Variants in PTPRN2 observed in about 807,000 individuals in gnomAD.
PTPRN2 encodes receptor-type tyrosine-protein phosphatase N2.
Under a neutral mutation model 118.8 loss-of-function variants are expected in PTPRN2, and 74 were observed. That is an observed-to-expected ratio of 0.62 (90% CI 0.52 to 0.76). The LOEUF (loss-of-function observed/expected upper bound fraction) is 0.76. PTPRN2 is among the 30% of genes least tolerant of loss of function. The pLI is 0.00. For missense variants in PTPRN2, 1,481 were observed against 1,394.4 expected (o/e 1.06, Z -0.99); for synonymous variants, 641 against 608.0 (o/e 1.05, Z -0.80).
At chr7:158,581,696 T>C (rs1006198009) in intron 1 of PTPRN2, among the ~76,000 whole-genome samples, 2 of 152,144 alleles carry the variant, frequency 1.3e-5, no homozygotes, top group African/African-American at 4.8e-5. Flanking sequence ...GTTAGGACTA[T>C]TAGAGGGAAC....
chr7:158,456,088 C>T lies in PTPRN2; in HGVS notation c.163+33647G>A, dbSNP rs547590925. Reference sequence around the variant, plus strand: ...ACGACATGGACGCCATCGGCCACGGCCCCCCATCAATCTGCGGAGAAGACA... The same window carrying T: ...ACGACATGGACGCCATCGGCCACGGTCCCCCATCAATCTGCGGAGAAGACA... On this transcript the variant is annotated intron_variant, in intron 2 of 22. Transcript: ENST00000389418. Among the ~76,000 whole-genome samples the T allele has an allele frequency of 7.3e-5, 11 of 150,234 alleles. 1 individual carries two copies. The highest frequency in any genetic ancestry group is 2.7e-4 in the African/African-American group (11 of 40,698).
In PTPRN2 at chr7:157,690,346, C is replaced by T. The variant is rs151195532; in HGVS notation, c.1789-7409G>A. 2.8e-3 allele frequency among the ~76,000 whole-genome samples: 427 copies of T among 152,352 alleles called. 4 individuals are homozygous for T. Among genetic ancestry groups the T allele is most frequent in the African/African-American group, 9.8e-3 (406 of 41,596 alleles). Reference sequence around the variant, plus strand: ...GCAGAGACCCCCTGAACTGAGCTCTCCGACGCCCTAGTTGCCCGTTAGAGC... The same window carrying T: ...GCAGAGACCCCCTGAACTGAGCTCTTCGACGCCCTAGTTGCCCGTTAGAGC... On this transcript the variant is annotated intron_variant, in intron 12 of 22. Transcript: ENST00000389418. This position sits in a 1 kb window ranked among gnomAD's most constrained non-coding sequence, Gnocchi z 7.1.
At position 157,617,105 on chromosome 7, in the gene PTPRN2, TGTC is replaced by T. The variant is rs1446753160; in HGVS notation, c.2344+4254_2344+4256del. The T allele has an allele frequency of 6.6e-6, 1 of 152,276 alleles. No homozygotes were observed. Among genetic ancestry groups the T allele is most frequent in the Admixed American group, 6.5e-5 (1 of 15,290 alleles). The allele number at this position is 152,276 out of a possible 1,614,324, so 9.4% of individuals were successfully genotyped here. ...GGCGGGCTCTAAACCCCAAAGTTCT[TGTC>T]GGCCAAGTGGGGGGGTTTCTTGTGA... On this transcript the variant is annotated intron_variant, in intron 15 of 22. Transcript: ENST00000389418. This position sits in a 1 kb window ranked among gnomAD's most constrained non-coding sequence, Gnocchi z 7.5.
chr7:157,963,862 T>C (rs1490909694), intron 11 of PTPRN2, among the ~76,000 whole-genome samples: 1 of 152,182 alleles, frequency 6.6e-6, no homozygotes, highest in African/African-American at 2.4e-5. Flanking sequence ...TATCATTAAA[T>C]CCTTTTGTTT....
At chr7:157,631,349 G>A (rs550684979) in intron 14 of PTPRN2, among the ~76,000 whole-genome samples, 14 of 152,312 alleles carry the variant, frequency 9.2e-5, no homozygotes, top group East Asian at 7.7e-4. Context: ...CGTGTGGTGC[G>A]TGTTGGTTTT....
At chr7:158,263,138 C>A (rs1797639533) in intron 3 of PTPRN2, among the ~76,000 whole-genome samples, 1 of 148,646 alleles carries the variant, frequency 6.7e-6, no homozygotes, top group African/African-American at 2.5e-5. Context: ...CATATACACA[C>A]ATTCACACAC....
chr7:157,878,244 G>A (rs992344238), intron 12 of PTPRN2, among the ~76,000 whole-genome samples: 2 of 152,280 alleles, frequency 1.3e-5, no homozygotes, highest in African/African-American at 4.8e-5. Context: ...CAAGAGCACG[G>A]ACCCTGAGGC....
intron 2 of PTPRN2, among the ~76,000 whole-genome samples, chr7:158,445,099 C>T (rs1586693313): frequency 6.6e-6 from 1 of 152,182 alleles, no homozygotes; most frequent in Non-Finnish European, 1.5e-5. Context: ...CCTTCACCCT[C>T]GCTGGGCAAG....
At chr7:157,623,720 G>A (rs146321256) in intron 14 of PTPRN2, among the ~76,000 whole-genome samples, 194 of 152,274 alleles carry the variant, frequency 1.3e-3, no homozygotes, top group African/African-American at 4.5e-3. Flanking sequence ...AGATACTGAC[G>A]CGATGTTTTT....
chr7:158,327,531 G>A (rs117277461), intron 2 of PTPRN2, among the ~76,000 whole-genome samples: 3,164 of 151,594 alleles, frequency 0.021, 48 homozygotes, highest in Non-Finnish European at 0.035. Context: ...TCACACACAT[G>A]CACATGTACA....
chr7:158,363,534 C>A (rs1049032503), intron 2 of PTPRN2, among the ~76,000 whole-genome samples: 3 of 152,226 alleles, frequency 2.0e-5, no homozygotes, highest in East Asian at 1.9e-4. Flanking sequence ...GCTTTCCTGA[C>A]CACCTGACCT....
chr7:158,336,711 C>T (rs1477142621), intron 2 of PTPRN2, among the ~76,000 whole-genome samples: 6 of 126,522 alleles, frequency 4.7e-5, no homozygotes, highest in Admixed American at 8.0e-5. Context: ...CTCACACCCA[C>T]ACTCTCACCA....
At chr7:158,495,712 CT>C (rs1821791365) in intron 1 of PTPRN2, among the ~76,000 whole-genome samples, 1 of 152,190 alleles carries the variant, frequency 6.6e-6, no homozygotes, top group African/African-American at 2.4e-5. Flanking sequence ...TTAAGAACCC[CT>C]ATTCTAGGAA....
rs1477120765 is a variant in PTPRN2 at position 157,617,086 on chromosome 7, C to T, written c.2344+4276G>A. ...CTGGATTTCAGCTCTGACGGGCGGGCTCTAAACCCCAAAGTTCTTGTCGGC... is the reference window on the plus strand; with the variant it reads ...CTGGATTTCAGCTCTGACGGGCGGGTTCTAAACCCCAAAGTTCTTGTCGGC... On this transcript the variant is annotated intron_variant, in intron 15 of 22. Transcript: ENST00000389418. This position sits in a 1 kb window ranked among gnomAD's most constrained non-coding sequence, Gnocchi z 7.5. 1 of 152,306 alleles carries T rather than the reference C, an allele frequency of 6.6e-6. No homozygotes were observed. Among genetic ancestry groups the T allele is most frequent in the Admixed American group, 6.5e-5 (1 of 15,284 alleles). 9.4% of individuals were successfully genotyped at this position (152,306 alleles called of 1,614,324 possible).
intron 3 of PTPRN2, among the ~76,000 whole-genome samples, chr7:158,212,977 C>A (rs1233780651): frequency 6.6e-6 from 1 of 152,132 alleles, no homozygotes; most frequent in Admixed American, 6.5e-5. Context: ...ATTACATGCA[C>A]TGTGGATCAC....
chr7:157,620,418 C>T (rs1803088786), intron 15 of PTPRN2, among the ~76,000 whole-genome samples: 1 of 152,098 alleles, frequency 6.6e-6, no homozygotes, highest in Admixed American at 6.5e-5. Context: ...GGCAGTGATC[C>T]CTAGCTAGGT....
At chr7:158,238,394 G>T (rs762215530) in intron 3 of PTPRN2, among the ~76,000 whole-genome samples, 2 of 152,054 alleles carry the variant, frequency 1.3e-5, no homozygotes, top group African/African-American at 4.8e-5. Context: ...AGCACAGCAG[G>T]CGAGACGCGG....
intron 21 of PTPRN2, among the ~76,000 whole-genome samples, chr7:157,562,240 TACTG>T (rs1799229546): frequency 6.6e-6 from 1 of 152,122 alleles, no homozygotes. Flanking sequence ...TAAAGCATCT[TACTG>T]ACTGCTGTGT....
At chr7:158,299,354 A>G (rs1351058779) in intron 3 of PTPRN2, among the ~76,000 whole-genome samples, 3 of 151,266 alleles carry the variant, frequency 2.0e-5, no homozygotes, top group African/African-American at 7.3e-5. Flanking sequence ...CTGGAGTGCA[A>G]TGGCATGGTC....
Sources: allele counts gnomAD v4.1 joint callset (sites outside exome capture counted in the v4.1 genomes callset), GRCh38; gene constraint gnomAD v4.1.1; non-coding constraint Gnocchi (gnomAD v3.1); transcripts MANE v1.5; gene names NCBI Gene and HGNC (gene_info 2026-07-23, HGNC 2026-07-21).